TRPS1: variants seen among roughly 807,000 people sequenced by gnomAD.
TRPS1 encodes zinc finger transcription factor Trps1.
In TRPS1, 6 loss-of-function variants were observed where a neutral mutation model predicts 101.2. The ratio of observed to expected loss-of-function variants is 0.06; its 90% confidence interval spans 0.03 to 0.12. The LOEUF (loss-of-function observed/expected upper bound fraction) is 0.12, where lower values mean the gene tolerates loss of function less well. TRPS1 is among the 10% of genes least tolerant of loss of function. The pLI is 1.00. For missense variants in TRPS1, 1,363 were observed against 1,567.0 expected (o/e 0.87, Z 2.20); for synonymous variants, 578 against 589.8 (o/e 0.98, Z 0.29).
At chr8:115,657,939 G>C (rs1811711516) in intron 1 of TRPS1, among the ~76,000 whole-genome samples, 1 of 151,914 alleles carries the variant, frequency 6.6e-6, no homozygotes, top group African/African-American at 2.4e-5. Flanking sequence ...AAATCCTGCA[G>C]CTTACACATT....
chr8:115,548,378 C>T (rs574868899), intron 5 of TRPS1, among the ~76,000 whole-genome samples: 8 of 152,040 alleles, frequency 5.3e-5, no homozygotes, highest in Non-Finnish European at 1.2e-4. Context: ...CACTCTGTCG[C>T]CCAGGCTGGA....
At chr8:115,548,242 T>A (rs564572370) in intron 5 of TRPS1, among the ~76,000 whole-genome samples, 43 of 152,136 alleles carry the variant, frequency 2.8e-4, no homozygotes, top group African/African-American at 9.6e-4. Context: ...AATACATATA[T>A]ATAAATAATC....
At chr8:115,471,724 C>A (rs1434522832) in intron 5 of TRPS1, among the ~76,000 whole-genome samples, 4 of 152,180 alleles carry the variant, frequency 2.6e-5, no homozygotes, top group African/African-American at 9.7e-5. Flanking sequence ...TTCCTAGATA[C>A]AATGGAGGTG....
chr8:115,530,564 C>T (rs758165558), intron 5 of TRPS1, among the ~76,000 whole-genome samples: 2 of 152,028 alleles, frequency 1.3e-5, no homozygotes, highest in Admixed American at 6.6e-5. Flanking sequence ...GCAGTAATTA[C>T]AGGAGAAACA....
chr8:115,496,720 C>A (rs1049802198), intron 5 of TRPS1, among the ~76,000 whole-genome samples: 1 of 152,108 alleles, frequency 6.6e-6, no homozygotes, highest in Admixed American at 6.6e-5. Context: ...GCCAATTTCA[C>A]AACCACAACA....
At chr8:115,613,150 T>C (rs1818207030) in intron 3 of TRPS1, among the ~76,000 whole-genome samples, 1 of 152,162 alleles carries the variant, frequency 6.6e-6, no homozygotes, top group African/African-American at 2.4e-5. Context: ...GTCCCTTAAT[T>C]TGGGGATCAA....
chr8:115,631,013 T>C (rs1818629410), intron 1 of TRPS1, among the ~76,000 whole-genome samples: 1 of 152,134 alleles, frequency 6.6e-6, no homozygotes, highest in Non-Finnish European at 1.5e-5. Flanking sequence ...TGAATGAATA[T>C]ACAATCTTCC....
chr8:115,415,811 T>C (rs1812905918), intron 6 of TRPS1, among the ~76,000 whole-genome samples: 2 of 152,194 alleles, frequency 1.3e-5, no homozygotes, highest in South Asian at 4.1e-4. Flanking sequence ...AAATGTCGGC[T>C]GTTTAAAGCT....
intron 5 of TRPS1, among the ~76,000 whole-genome samples, chr8:115,460,522 A>C (rs182843195): frequency 2.0e-5 from 3 of 152,202 alleles, no homozygotes; most frequent in Admixed American, 1.3e-4. Flanking sequence ...TCAGATAATA[A>C]ATGTATTGAA....
rs140497310 is a variant in TRPS1 at position 115,493,110 on chromosome 8, C to A, written c.2701-74658G>T. 9.8e-3 allele frequency among the ~76,000 whole-genome samples: 1,495 copies of A among 152,238 alleles called. 18 individuals are homozygous for A. The highest frequency in any genetic ancestry group is 0.033 in the African/African-American group (1,391 of 41,542). On this transcript the variant is annotated intron_variant, in intron 5 of 6. Transcript: ENST00000395715. ...TCTTCTTGAAGCGCATTAGGCCTGG[C>A]TTCTAGCCTGCACCTGAATATCCAC...
intron 5 of TRPS1, among the ~76,000 whole-genome samples, chr8:115,438,641 C>A (rs576565156): frequency 6.6e-6 from 1 of 152,256 alleles, no homozygotes; most frequent in East Asian, 1.9e-4. Flanking sequence ...TCTTCTAGAT[C>A]TAGGATTTAA....
chr8:115,498,214 CA>C, intron 5 of TRPS1, among the ~76,000 whole-genome samples: 1 of 151,578 alleles, frequency 6.6e-6, no homozygotes, highest in Non-Finnish European at 1.5e-5. Flanking sequence ...CCCATCTCTA[CA>C]AAAAACACAA....
At position 115,411,732 on chromosome 8, in the gene TRPS1, C is replaced by A. The variant is rs776569250; in HGVS notation, c.*2291G>T. On this transcript the variant is annotated 3_prime_UTR_variant, in exon 7 of 7. Coordinates refer to ENST00000395715, the MANE Select transcript of TRPS1 (RefSeq NM_014112.5). Reference sequence around the variant, plus strand: ...CGACAGGTGAGATCAGAATAAGGCCCGTTAACAATGAAACTGAAGCAGAGG... The same window carrying A: ...CGACAGGTGAGATCAGAATAAGGCCAGTTAACAATGAAACTGAAGCAGAGG... 5 of 152,176 alleles carry A rather than the reference C, an allele frequency of 3.3e-5. No homozygotes were observed. Among genetic ancestry groups the A allele is most frequent in the Non-Finnish European group, 7.4e-5 (5 of 67,948 alleles). 9.4% of individuals were successfully genotyped at this position (152,176 alleles called of 1,614,324 possible).
At chr8:115,526,520 T>G (rs543018151) in intron 5 of TRPS1, among the ~76,000 whole-genome samples, 1 of 152,272 alleles carries the variant, frequency 6.6e-6, no homozygotes, top group African/African-American at 2.4e-5. Flanking sequence ...ATATAATACA[T>G]CTACAATTTG....
At chr8:115,432,296 T>G (rs1563727079) in intron 5 of TRPS1, among the ~76,000 whole-genome samples, 1 of 151,772 alleles carries the variant, frequency 6.6e-6, no homozygotes, top group Non-Finnish European at 1.5e-5. Context: ...ACTACGTGCT[T>G]CAAAATGTTT....
intron 2 of TRPS1, among the ~76,000 whole-genome samples, chr8:115,621,087 T>C (rs1818382411): frequency 6.6e-6 from 1 of 152,204 alleles, no homozygotes; most frequent in African/African-American, 2.4e-5. Flanking sequence ...CTGGAACAAA[T>C]TCTTCTGCTG....
intron 5 of TRPS1, among the ~76,000 whole-genome samples, chr8:115,543,818 T>C (rs955718234): frequency 1.3e-5 from 2 of 150,914 alleles, no homozygotes; most frequent in African/African-American, 4.9e-5. Context: ...TCTTATACAA[T>C]TCTTTGATTT....
Position 115,458,166 on chromosome 8 carries a change from G to A in TRPS1, c.2701-39714C>T, listed in dbSNP as rs114392278. On this transcript the variant is annotated intron_variant, in intron 5 of 6. Transcript: ENST00000395715. ...GCGGGCAGTCAAAGATGGGATTCCC[G>A]AGGGATACGATTTGGTAGATAACAG... Among the ~76,000 whole-genome samples the A allele has an allele frequency of 4.4e-3, 671 of 152,246 alleles. 5 individuals carry two copies. Among genetic ancestry groups the A allele is most frequent in the African/African-American group, 0.015 (635 of 41,530 alleles).
At chr8:115,464,978 A>G (rs1267988445) in intron 5 of TRPS1, among the ~76,000 whole-genome samples, 1 of 152,132 alleles carries the variant, frequency 6.6e-6, no homozygotes, top group Non-Finnish European at 1.5e-5. Context: ...GTTTAATCTG[A>G]AAATGCAAAT....
Sources: allele counts gnomAD v4.1 joint callset (sites outside exome capture counted in the v4.1 genomes callset), GRCh38; gene constraint gnomAD v4.1.1; transcripts MANE v1.5; gene names NCBI Gene and HGNC (gene_info 2026-07-23, HGNC 2026-07-21).